FNIP2: variants seen among roughly 807,000 people sequenced by gnomAD.
The protein encoded by FNIP2 is folliculin-interacting protein 2.
In FNIP2, 32 loss-of-function variants were observed where a neutral mutation model predicts 108.7. The ratio of observed to expected loss-of-function variants is 0.29; its 90% CI spans 0.22 to 0.40. The LOEUF (loss-of-function observed/expected upper bound fraction) is 0.40, where lower values mean the gene tolerates loss of function less well. Among genes scored for constraint, FNIP2 ranks in the 10% least tolerant of loss-of-function variants. The pLI is 1.00. For synonymous variants in FNIP2, 480 were observed against 496.7 expected (o/e 0.97, Z 0.45); for missense variants, 1,202 against 1,381.6 (o/e 0.87, Z 2.06).
chr4:158,797,559 G>A (rs910093628), intron 1 of FNIP2, among the ~76,000 whole-genome samples: 3 of 152,154 alleles, frequency 2.0e-5, no homozygotes, highest in Non-Finnish European at 2.9e-5. Context: ...CATTAGCCAG[G>A]TATGGTGGCG....
intron 14 of FNIP2, among the ~76,000 whole-genome samples, chr4:158,875,515 G>GATATATATATATATAT (rs56389652): frequency 0.014 from 1,576 of 111,784 alleles, 124 homozygotes; most frequent in African/African-American, 0.052. Context: ...GCCTGGCTGT[G>GATATATATATATATAT]ATATATATAT....
intron 1 of FNIP2, among the ~76,000 whole-genome samples, chr4:158,824,555 T>A (rs892190383): frequency 1.3e-5 from 2 of 152,136 alleles, no homozygotes; most frequent in African/African-American, 4.8e-5. Flanking sequence ...CTGCTGGAGC[T>A]CTAGCCTTCA....
At chr4:158,890,019 A>G (rs1393262842) in intron 14 of FNIP2, 2 of 985,302 alleles carry the variant, frequency 2.0e-6, no homozygotes, top group Non-Finnish European at 2.4e-6. Flanking sequence ...TTGGTTGAAA[A>G]TGGTGATGGG....
At chr4:158,831,437 T>C (rs1462336626) in intron 3 of FNIP2, among the ~76,000 whole-genome samples, 4 of 152,242 alleles carry the variant, frequency 2.6e-5, no homozygotes, top group African/African-American at 4.8e-5. Context: ...ATGGGCATTT[T>C]TTATTCCACA....
intron 1 of FNIP2, among the ~76,000 whole-genome samples, chr4:158,781,161 G>A (rs1776034084): frequency 6.6e-6 from 1 of 152,150 alleles, no homozygotes. Flanking sequence ...AGTAGTTCAG[G>A]ACCAAGTCTC....
chr4:158,878,185 C>T (rs1781389396), intron 14 of FNIP2, among the ~76,000 whole-genome samples: 1 of 152,142 alleles, frequency 6.6e-6, no homozygotes, highest in Non-Finnish European at 1.5e-5. Context: ...TGAGCTGGTC[C>T]TCCAGGATTT....
chr4:158,830,595 G>A (rs554204509), intron 3 of FNIP2, among the ~76,000 whole-genome samples: 8 of 152,246 alleles, frequency 5.3e-5, no homozygotes, highest in Non-Finnish European at 7.4e-5. Flanking sequence ...CTCTGCAACC[G>A]TGCATAAGTA....
At chr4:158,882,099 C>T (rs969207640) in intron 14 of FNIP2, among the ~76,000 whole-genome samples, 38 of 151,656 alleles carry the variant, frequency 2.5e-4, no homozygotes, top group African/African-American at 8.2e-4. Flanking sequence ...AGGTGAGGAG[C>T]GTCTCTGCCT....
intron 14 of FNIP2, among the ~76,000 whole-genome samples, chr4:158,881,402 TCCACGG>T: frequency 6.1e-5 from 1 of 16,308 alleles, no homozygotes; most frequent in African/African-American, 2.1e-4. Context: ...TCTCTCTCTT[TCCACGG>T]TCTCCCTCTC....
At chr4:158,871,563 C>T (rs1481013439) in intron 14 of FNIP2, 1 of 985,194 alleles carries the variant, frequency 1.0e-6, no homozygotes, top group Non-Finnish European at 1.2e-6. Context: ...GTCAACATAA[C>T]CTCCCTCAAT....
At chr4:158,785,521 G>T (rs888700615) in intron 1 of FNIP2, among the ~76,000 whole-genome samples, 10 of 151,958 alleles carry the variant, frequency 6.6e-5, no homozygotes, top group Admixed American at 5.9e-4. Context: ...AAGAGATGAG[G>T]TCTTGCTATA....
chr4:158,808,436 T>A (rs1175498211), intron 1 of FNIP2, among the ~76,000 whole-genome samples: 1 of 152,258 alleles, frequency 6.6e-6, no homozygotes, highest in Non-Finnish European at 1.5e-5. Flanking sequence ...GAATTTTTTT[T>A]TTTAGAACTT....
intron 12 of FNIP2, among the ~76,000 whole-genome samples, chr4:158,863,544 C>T (rs992306438): frequency 6.6e-6 from 1 of 152,206 alleles, no homozygotes; most frequent in Non-Finnish European, 1.5e-5. Flanking sequence ...TGCTCAGGAG[C>T]TCGGTGATCC....
intron 1 of FNIP2, among the ~76,000 whole-genome samples, chr4:158,776,633 T>TA (rs570414782): frequency 7.2e-4 from 110 of 152,342 alleles, no homozygotes; most frequent in Middle Eastern, 3.4e-3. Context: ...CAAAGTCTTT[T>TA]AAAGCATACA....
chr4:158,781,075 G>C (rs751530170), intron 1 of FNIP2, among the ~76,000 whole-genome samples: 10 of 151,296 alleles, frequency 6.6e-5, no homozygotes, highest in African/African-American at 2.2e-4. Context: ...TGAAGTCTAA[G>C]TACTATTTCT....
chr4:158,807,966 A>G (rs1399170115), intron 1 of FNIP2, among the ~76,000 whole-genome samples: 1 of 152,218 alleles, frequency 6.6e-6, no homozygotes, highest in African/African-American at 2.4e-5. Context: ...TTATCAAGAA[A>G]GGGCAGCTGA....
At chr4:158,882,036 C>G (rs1267652342) in intron 14 of FNIP2, among the ~76,000 whole-genome samples, 1 of 151,566 alleles carries the variant, frequency 6.6e-6, no homozygotes, top group Non-Finnish European at 1.5e-5. Flanking sequence ...TGCCCGGCCG[C>G]CCATTGTCTG....
At chr4:158,818,112 C>G (rs1777677062) in intron 1 of FNIP2, among the ~76,000 whole-genome samples, 1 of 152,216 alleles carries the variant, frequency 6.6e-6, no homozygotes, top group African/African-American at 2.4e-5. Context: ...CTTTTCCTCT[C>G]TGTACTTTGT....
chr4:158,873,734 A>G (rs1781095822), intron 14 of FNIP2, among the ~76,000 whole-genome samples: 2 of 152,272 alleles, frequency 1.3e-5, no homozygotes, highest in East Asian at 1.9e-4. Flanking sequence ...TGTTTAGTCC[A>G]TATACTACCT....
Sources: gnomAD v4.1 joint callset for allele counts (sites outside exome capture counted in the v4.1 genomes callset) on GRCh38, gnomAD v4.1.1 for gene constraint, MANE v1.5 for transcripts, NCBI Gene and HGNC (gene_info 2026-07-23, HGNC 2026-07-21) for gene names.